CNGB3: variants seen among roughly 807,000 people sequenced by gnomAD.
The protein encoded by CNGB3 is cyclic nucleotide-gated channel beta-3.
Under a neutral mutation model 92.8 loss-of-function variants are expected in CNGB3, and 86 were observed. That is an observed-to-expected ratio of 0.93 (90% CI 0.78 to 1.11). The LOEUF is 1.11. Ranked by LOEUF, CNGB3 falls within the 50% of genes least tolerant of loss-of-function variation. The pLI is 0.00. For missense variants in CNGB3, 1,026 were observed against 956.8 expected, an observed-to-expected ratio of 1.07 and a Z score of -0.95; for synonymous variants, 333 against 332.7, an observed-to-expected ratio of 1.00 and a Z score of -0.01.
intron 6 of CNGB3, among the ~76,000 whole-genome samples, chr8:86,655,935 C>T (rs948069100): frequency 1.3e-5 from 2 of 152,184 alleles, no homozygotes; most frequent in African/African-American, 4.8e-5. Context: ...GAAGTAGCGT[C>T]TTCTAACAAT....
intron 2 of CNGB3, among the ~76,000 whole-genome samples, chr8:86,734,980 G>A (rs1825220191): frequency 6.9e-6 from 1 of 145,518 alleles, no homozygotes; most frequent in Non-Finnish European, 1.5e-5. Context: ...CTCAACTAAA[G>A]AGTTAGAAAG....
chr8:86,591,874 C>A (rs11989840), intron 15 of CNGB3, among the ~76,000 whole-genome samples: 2 of 151,520 alleles, frequency 1.3e-5, no homozygotes, highest in Non-Finnish European at 2.9e-5. Flanking sequence ...CCACCCAGTT[C>A]GAGCTTCTGG....
At chr8:86,692,215 A>G (rs1213082894) in intron 3 of CNGB3, among the ~76,000 whole-genome samples, 1 of 152,154 alleles carries the variant, frequency 6.6e-6, no homozygotes, top group Non-Finnish European at 1.5e-5. Context: ...TATTGGGTAG[A>G]ATGTTCTGTA....
intron 8 of CNGB3, among the ~76,000 whole-genome samples, chr8:86,646,006 A>G (rs1455272096): frequency 1.3e-5 from 2 of 151,180 alleles, no homozygotes; most frequent in Admixed American, 1.3e-4. Context: ...AGGATCTCCT[A>G]TATTTAAACA....
At position 86,740,135 on chromosome 8, in the gene CNGB3, T is replaced by C. The variant is rs1586046214; in HGVS notation, c.130-399A>G. 3.9e-5 allele frequency among the ~76,000 whole-genome samples: 6 copies of C among 152,344 alleles called. No homozygotes were observed. The South Asian group carries it at 1.0e-3, about 26-fold the overall frequency. ...GATTTCATGTGCTTCTGCCTCATCA[T>C]TTGTCTGATCATCTAAGCTTTCCTT... On this transcript the variant is annotated intron_variant, in intron 1 of 17. Transcript: ENST00000320005.
At chr8:86,636,541 C>G (rs1823074806) in intron 10 of CNGB3, among the ~76,000 whole-genome samples, 1 of 120,000 alleles carries the variant, frequency 8.3e-6, no homozygotes, top group Non-Finnish European at 1.6e-5. Flanking sequence ...CCACTGCACT[C>G]TAGCCGGGGT....
chr8:86,581,508 T>C (rs79443024), intron 15 of CNGB3, among the ~76,000 whole-genome samples: 321 of 152,250 alleles, frequency 2.1e-3, no homozygotes, highest in African/African-American at 7.4e-3. Flanking sequence ...CCAGAGCATA[T>C]TTGTTCTCCA....
chr8:86,647,360 CA>C (rs1467268472), intron 8 of CNGB3, among the ~76,000 whole-genome samples: 4 of 150,618 alleles, frequency 2.7e-5, no homozygotes, highest in African/African-American at 9.7e-5. Flanking sequence ...AGTATGTTTA[CA>C]TTTTTTTTTA....
At chr8:86,580,992 T>C (rs1329267716) in intron 15 of CNGB3, among the ~76,000 whole-genome samples, 1 of 152,198 alleles carries the variant, frequency 6.6e-6, no homozygotes, top group African/African-American at 2.4e-5. Flanking sequence ...TTATACAGTA[T>C]GAACAACTTC....
intron 3 of CNGB3, among the ~76,000 whole-genome samples, chr8:86,697,964 C>T (rs527628369): frequency 7.9e-5 from 12 of 152,122 alleles, no homozygotes; most frequent in African/African-American, 1.4e-4. Context: ...CTACAAAGGA[C>T]GTGAACTCAT....
At chr8:86,743,335 A>G (rs994946468) in intron 1 of CNGB3, among the ~76,000 whole-genome samples, 164 bp downstream of exon 1, 1 of 152,246 alleles carries the variant, frequency 6.6e-6, no homozygotes, top group South Asian at 2.1e-4. Context: ...GAACAAATAC[A>G]TACAGAATAT....
At chr8:86,703,053 C>A (rs1824583705) in intron 3 of CNGB3, among the ~76,000 whole-genome samples, 1 of 152,032 alleles carries the variant, frequency 6.6e-6, no homozygotes, top group African/African-American at 2.4e-5. Context: ...GAGCTAAATA[C>A]AATTTTCTTT....
chr8:86,644,393 A>G (rs1055038857), intron 9 of CNGB3, among the ~76,000 whole-genome samples: 2 of 151,414 alleles, frequency 1.3e-5, no homozygotes, highest in African/African-American at 4.8e-5. Flanking sequence ...GGCAGATAAT[A>G]AGTCCTATTT....
At chr8:86,741,453 C>T (rs1018604550) in intron 1 of CNGB3, among the ~76,000 whole-genome samples, 4 of 151,938 alleles carry the variant, frequency 2.6e-5, no homozygotes, top group Admixed American at 1.3e-4. Flanking sequence ...CACCTGAGGC[C>T]GAGAGTTTGA....
intron 14 of CNGB3, among the ~76,000 whole-genome samples, chr8:86,608,673 G>T (rs563402267): frequency 6.6e-6 from 1 of 152,350 alleles, no homozygotes; most frequent in Admixed American, 6.5e-5. Flanking sequence ...ATTAGTGACA[G>T]TATTAAAAGT....
chr8:86,630,463 G>T (rs551509992), intron 11 of CNGB3, among the ~76,000 whole-genome samples: 2 of 152,192 alleles, frequency 1.3e-5, no homozygotes, highest in African/African-American at 4.8e-5. Flanking sequence ...AGTTGAGGAA[G>T]ATGTATATTC....
chr8:86,584,210 T>C (rs1401753005), intron 15 of CNGB3, among the ~76,000 whole-genome samples: 2 of 152,224 alleles, frequency 1.3e-5, no homozygotes, highest in Non-Finnish European at 2.9e-5. Flanking sequence ...CTTTCTTCTA[T>C]CTACCTTCTT....
intron 3 of CNGB3, among the ~76,000 whole-genome samples, chr8:86,705,252 G>T (rs1824631686): frequency 6.6e-6 from 1 of 152,120 alleles, no homozygotes; most frequent in Admixed American, 6.5e-5. Flanking sequence ...GGTCTTGGAA[G>T]TTTTCATTTT....
At chr8:86,594,578 A>G in intron 15 of CNGB3, 1 of 288,300 alleles carries the variant, frequency 3.5e-6, no homozygotes, top group Non-Finnish European at 6.7e-6. Context: ...GTCCACTGTC[A>G]CCTTCACCCT....
Sources: gnomAD v4.1 joint callset for allele counts (sites outside exome capture counted in the v4.1 genomes callset) on GRCh38, gnomAD v4.1.1 for gene constraint, MANE v1.5 for transcripts, NCBI Gene and HGNC (gene_info 2026-07-23, HGNC 2026-07-21) for gene names.